The following ACSL5 variants were observed in gnomAD, a reference collection of about 807,000 sequenced individuals.
The protein encoded by ACSL5 is acyl-CoA synthetase long chain family member 5, also known as long-chain-fatty-acid--CoA ligase 5.
ACSL5 carries 50 observed loss-of-function variants against 84.9 expected under a neutral mutation model. That is an observed-to-expected ratio of 0.59 (90% CI 0.47 to 0.75). The LOEUF is 0.75. ACSL5 is among the 30% of genes least tolerant of loss of function. The probability of loss-of-function intolerance (pLI) is 0.00; values close to 1 mark genes in which losing one functional copy is unlikely to be tolerated. For synonymous variants in ACSL5, 280 were observed against 300.7 expected (o/e 0.93, Z 0.71); for missense variants, 775 against 830.4 (o/e 0.93, Z 0.82).
intron 1 of ACSL5, among the ~76,000 whole-genome samples, chr10:112,375,920 T>A (rs1298599749): frequency 6.6e-6 from 1 of 152,190 alleles, no homozygotes; most frequent in Non-Finnish European, 1.5e-5. Context: ...AGCCAGACTT[T>A]CCTGTCCTCC....
intron 1 of ACSL5, among the ~76,000 whole-genome samples, chr10:112,386,506 T>C (rs1849456709): frequency 6.6e-6 from 1 of 152,136 alleles, no homozygotes; most frequent in African/African-American, 2.4e-5. Context: ...AAAACTCCTA[T>C]AGCTCTATAG....
intron 19 of ACSL5, 47 bp from the exon 20 acceptor site, chr10:112,426,741 A>C (rs1259971521): frequency 3.9e-6 from 6 of 1,556,330 alleles, no homozygotes; most frequent in Non-Finnish European, 5.3e-6. Flanking sequence ...TTAGCCCTTC[A>C]GGCTTTTTGA....
intron 1 of ACSL5, among the ~76,000 whole-genome samples, chr10:112,391,025 G>C (rs181265229): frequency 1.3e-5 from 2 of 152,174 alleles, no homozygotes; most frequent in African/African-American, 4.8e-5. Flanking sequence ...AATACTGCCC[G>C]ATTGTACATT....
chr10:112,395,754 A>G (rs1377399192), intron 2 of ACSL5: 1 of 152,208 alleles, frequency 6.6e-6, no homozygotes, highest in East Asian at 1.9e-4. Context: ...GCCCATGAAT[A>G]TCTTCATCTG....
rs575537094 is a variant in ACSL5 at position 112,391,964 on chromosome 10, A to G, written c.-29-2954A>G. Among the ~76,000 whole-genome samples, 3 of 152,280 alleles carry G rather than the reference A, an allele frequency of 2.0e-5. No homozygotes were observed. The East Asian group carries it at 5.8e-4, about 29-fold the overall frequency. Reference sequence around the variant, plus strand: ...CTCTTCTTCCTGACCCCACCCCCATATCACCACAACTGAACAGAAATTCAA... The same window carrying G: ...CTCTTCTTCCTGACCCCACCCCCATGTCACCACAACTGAACAGAAATTCAA... On this transcript the variant is annotated intron_variant, in intron 1 of 20. Coordinates refer to ENST00000354655, the MANE Select transcript of ACSL5 (RefSeq NM_203379.2).
At chr10:112,396,326 A>G (rs1843745148) in intron 2 of ACSL5, 1 of 152,220 alleles carries the variant, frequency 6.6e-6, no homozygotes, top group Non-Finnish European at 1.5e-5. Flanking sequence ...TGGCAAACAT[A>G]TGCTGTAAAG....
chr10:112,426,886 G>C, intron 20 of ACSL5, 27 bp downstream of exon 20: 1 of 1,546,210 alleles, frequency 6.5e-7, no homozygotes, highest in Non-Finnish European at 8.9e-7. Flanking sequence ...ATGTTATACT[G>C]GCCTCTTGTC....
intron 3 of ACSL5, 39 bp downstream of exon 3, chr10:112,399,048 G>T (rs770362427): frequency 1.9e-5 from 29 of 1,528,188 alleles, no homozygotes; most frequent in Non-Finnish European, 2.4e-5. Flanking sequence ...AGAAGACAAG[G>T]TGAGGTCTGT....
intron 1 of ACSL5, among the ~76,000 whole-genome samples, chr10:112,381,637 C>T (rs1465197199): frequency 1.4e-5 from 2 of 142,618 alleles, no homozygotes; most frequent in Non-Finnish European, 3.0e-5. Context: ...CACTGCACTC[C>T]AGCCTGGGTG....
rs192637791 is a variant in ACSL5, at chr10:112,404,115, G to A, written c.266-396G>A. Among the ~76,000 whole-genome samples, 417 of 152,314 alleles carry A rather than the reference G, an allele frequency of 2.7e-3. 1 individual carries two copies. Among genetic ancestry groups the A allele is most frequent in the African/African-American group, 9.7e-3 (403 of 41,566 alleles). On this transcript the variant is annotated intron_variant, in intron 3 of 20. Coordinates refer to ENST00000354655, the MANE Select transcript of ACSL5 (RefSeq NM_203379.2). ...TATTTTAACTTTTTTATATCTTTAT[G>A]AGCATAGTTTTTATTGTAGGGAAGT...
At chr10:112,418,530 T>C (rs367980616) in intron 14 of ACSL5, among the ~76,000 whole-genome samples, 1 of 151,944 alleles carries the variant, frequency 6.6e-6, no homozygotes. Context: ...TGCAGTGAGC[T>C]GAGATTGCGC....
At chr10:112,412,028 G>A (rs948707041) in intron 11 of ACSL5, 49 bp downstream of exon 11, 5 of 1,513,170 alleles carry the variant, frequency 3.3e-6, no homozygotes, top group Non-Finnish European at 4.6e-6. Context: ...GTCCTGACTT[G>A]CTATCACATG....
chr10:112,400,531 C>G (rs888093372), intron 3 of ACSL5, among the ~76,000 whole-genome samples: 2 of 150,888 alleles, frequency 1.3e-5, no homozygotes, highest in African/African-American at 4.9e-5. Context: ...GCCTCAGCCT[C>G]CCGAGTAGCT....
At chr10:112,401,900 TTTTCTTTC>T (rs767134292) in intron 3 of ACSL5, among the ~76,000 whole-genome samples, 1 of 150,656 alleles carries the variant, frequency 6.6e-6, no homozygotes, top group African/African-American at 2.4e-5. Flanking sequence ...CTTTCTTTCC[TTTTCTTTC>T]TTTCTTTCCT....
At chr10:112,405,966 A>T (rs1308387394) in intron 5 of ACSL5, among the ~76,000 whole-genome samples, 3 of 152,004 alleles carry the variant, frequency 2.0e-5, no homozygotes, top group Admixed American at 6.6e-5. Context: ...GGGAGAAGAG[A>T]GGTTGGTCTT....
intron 7 of ACSL5, chr10:112,410,211 C>T: frequency 2.7e-6 from 4 of 1,495,780 alleles, no homozygotes; most frequent in Non-Finnish European, 3.6e-6. Flanking sequence ...ATGACTGAAA[C>T]TTAAGAGTAC....
chr10:112,394,311 T>G (rs1420257750), intron 1 of ACSL5, among the ~76,000 whole-genome samples: 1 of 152,230 alleles, frequency 6.6e-6, no homozygotes, highest in Non-Finnish European at 1.5e-5. Flanking sequence ...TGAAAGGATG[T>G]TGGGCATAGC....
chr10:112,400,719 AT>A (rs1190011247), intron 3 of ACSL5, among the ~76,000 whole-genome samples: 2 of 151,646 alleles, frequency 1.3e-5, no homozygotes. Context: ...CACCTGGTTA[AT>A]TTTTTTAATT....
intron 3 of ACSL5, among the ~76,000 whole-genome samples, chr10:112,403,858 A>G (rs1161261940): frequency 6.6e-6 from 1 of 152,238 alleles, no homozygotes; most frequent in Non-Finnish European, 1.5e-5. Flanking sequence ...ACCCACGATG[A>G]AATAAAGTCA....
Sources: allele counts gnomAD v4.1 joint callset (sites outside exome capture counted in the v4.1 genomes callset), GRCh38; gene constraint gnomAD v4.1.1; transcripts MANE v1.5; gene names NCBI Gene and HGNC (gene_info 2026-07-23, HGNC 2026-07-21).